Variants in EEIG1 observed in about 807,000 individuals in gnomAD.
EEIG1 encodes the protein estrogen-induced osteoclastogenesis regulator 1.
chr9:127,960,736 G>A, the EEIG1 span, among the ~76,000 whole-genome samples: 2 of 152,104 alleles, frequency 1.3e-5, no homozygotes, highest in Non-Finnish European at 2.9e-5. Flanking sequence ...CTGTGGGAAC[G>A]CCAGCCAGGA....
the EEIG1 span, among the ~76,000 whole-genome samples, chr9:127,961,585 C>T: frequency 1.3e-5 from 2 of 152,234 alleles, no homozygotes; most frequent in Non-Finnish European, 2.9e-5. Context: ...GGCTTATACT[C>T]TGGCAGTGGG....
At chr9:127,941,905 G>C in the EEIG1 span, 2 of 152,308 alleles carry the variant, frequency 1.3e-5, no homozygotes, top group Non-Finnish European at 2.9e-5. Flanking sequence ...CAGCCTGCTG[G>C]GTTTATACAA....
chr9:127,977,175 C>A, the EEIG1 span, among the ~76,000 whole-genome samples: 4 of 152,258 alleles, frequency 2.6e-5, no homozygotes, highest in Non-Finnish European at 5.9e-5. Flanking sequence ...CCACTAACTG[C>A]CCAGCTTTGC....
the EEIG1 span, among the ~76,000 whole-genome samples, chr9:127,964,625 CTG>C: frequency 6.6e-6 from 1 of 152,268 alleles, no homozygotes; most frequent in South Asian, 2.1e-4. Context: ...AGTCCAACCT[CTG>C]TGACAGGGCT....
the EEIG1 span, chr9:127,945,397 CG>C: frequency 1.3e-6 from 2 of 1,586,570 alleles, no homozygotes; most frequent in Non-Finnish European, 8.6e-7. The surrounding 1 kb of genome is among the most constrained non-coding windows in gnomAD (Gnocchi z 6.5). Flanking sequence ...ATGCAGGGGC[CG>C]GGGTGGCCGC....
chr9:127,975,274 C>T, the EEIG1 span, among the ~76,000 whole-genome samples: 1 of 152,224 alleles, frequency 6.6e-6, no homozygotes, highest in African/African-American at 2.4e-5. Flanking sequence ...GGCCACCATC[C>T]CAGCCGTGCC....
chr9:127,949,080 C>T, the EEIG1 span, among the ~76,000 whole-genome samples: 1 of 152,032 alleles, frequency 6.6e-6, no homozygotes, highest in Admixed American at 6.6e-5. Context: ...CTTTGGGAGG[C>T]CAAGGCGGGC....
At chr9:127,975,917 C>G in the EEIG1 span, among the ~76,000 whole-genome samples, 2 of 152,174 alleles carry the variant, frequency 1.3e-5, no homozygotes, top group African/African-American at 2.4e-5. Context: ...CCCAGGCCCC[C>G]CTATGTGGAT....
At chr9:127,944,777 C>T in the EEIG1 span, 2 of 1,611,912 alleles carry the variant, frequency 1.2e-6, no homozygotes, top group Non-Finnish European at 1.7e-6. Flanking sequence ...CACGGCTCAC[C>T]CTCGGTGTTG....
At chr9:127,951,139 T>C in the EEIG1 span, among the ~76,000 whole-genome samples, 2 of 152,042 alleles carry the variant, frequency 1.3e-5, no homozygotes, top group African/African-American at 4.8e-5. Flanking sequence ...GAAGAGGGCA[T>C]GCGCTAAGAA....
the EEIG1 span, chr9:127,940,724 TTC>T: frequency 6.6e-6 from 1 of 151,966 alleles, no homozygotes; most frequent in African/African-American, 2.4e-5. Flanking sequence ...GGTGGCAACA[TTC>T]TGTTAGAAAG....
chr9:127,945,636 G>A, the EEIG1 span: 1 of 1,574,192 alleles, frequency 6.4e-7, no homozygotes, highest in Non-Finnish European at 8.6e-7. The surrounding 1 kb of genome is among the most constrained non-coding windows in gnomAD (Gnocchi z 6.5). Context: ...GGCAGGGCCA[G>A]GCAGCCACTC....
the EEIG1 span, chr9:127,945,776 G>C: frequency 1.3e-6 from 2 of 1,505,580 alleles, no homozygotes; most frequent in Non-Finnish European, 1.8e-6. This position sits in a 1 kb window ranked among gnomAD's most constrained non-coding sequence, Gnocchi z 6.5. Context: ...AAGGGGCAGG[G>C]GGTGAGGTGA....
At chr9:127,951,550 G>C in the EEIG1 span, among the ~76,000 whole-genome samples, 1 of 152,058 alleles carries the variant, frequency 6.6e-6, no homozygotes. Flanking sequence ...GGGCGCGGTG[G>C]CACGCCTGTA....
the EEIG1 span, among the ~76,000 whole-genome samples, chr9:127,977,810 C>T: frequency 6.6e-6 from 1 of 152,190 alleles, no homozygotes; most frequent in Non-Finnish European, 1.5e-5. Context: ...ACCTCTCTAA[C>T]ATGGGGATAA....
the EEIG1 span, chr9:127,942,157 T>C: frequency 6.5e-6 from 1 of 152,686 alleles, no homozygotes; most frequent in East Asian, 1.9e-4. Flanking sequence ...GGAAGCCAGC[T>C]CCGGACCAGT....
At chr9:127,963,728 C>G in the EEIG1 span, 1 of 152,310 alleles carries the variant, frequency 6.6e-6, no homozygotes, top group Non-Finnish European at 1.5e-5. Context: ...AGACCTGTAT[C>G]CCAAATCGGA....
At chr9:127,955,081 G>A in the EEIG1 span, among the ~76,000 whole-genome samples, 1 of 152,202 alleles carries the variant, frequency 6.6e-6, no homozygotes, top group East Asian at 1.9e-4. Flanking sequence ...GGGTGGCCAG[G>A]GAAGGGAGGA....
At chr9:127,975,708 T>G in the EEIG1 span, among the ~76,000 whole-genome samples, 1 of 152,028 alleles carries the variant, frequency 6.6e-6, no homozygotes, top group South Asian at 2.1e-4. Flanking sequence ...AGTCAGTGCC[T>G]CCCTTGTACT....
Sources: gnomAD v4.1 joint callset for allele counts (sites outside exome capture counted in the v4.1 genomes callset) on GRCh38, gnomAD v4.1.1 for gene constraint, Gnocchi (gnomAD v3.1) non-coding constraint, MANE v1.5 for transcripts, NCBI Gene and HGNC (gene_info 2026-07-23, HGNC 2026-07-21) for gene names.